RABGAP1L: variants seen among roughly 807,000 people sequenced by gnomAD.
RABGAP1L encodes the protein RAB GTPase activating protein 1 like.
A neutral mutation model predicts 137.7 loss-of-function variants in RABGAP1L; 63 were observed. The observed-to-expected ratio is 0.46, with a 90% CI of 0.37 to 0.56. The LOEUF (loss-of-function observed/expected upper bound fraction) is 0.56, where lower values mean the gene tolerates loss of function less well. Ranked by LOEUF, RABGAP1L falls within the 20% of genes least tolerant of loss-of-function variation. The pLI is 0.00. For synonymous variants in RABGAP1L, 431 were observed against 433.7 expected (o/e 0.99, Z 0.08); for missense variants, 1,095 against 1,244.0 (o/e 0.88, Z 1.80).
intron 7 of RABGAP1L, among the ~76,000 whole-genome samples, chr1:174,253,902 T>C (rs1672908049): frequency 6.6e-6 from 1 of 152,160 alleles, no homozygotes; most frequent in South Asian, 2.1e-4. Flanking sequence ...AAGACTGCTG[T>C]ATACTATGTC....
At position 174,702,186 on chromosome 1, in the gene RABGAP1L, T is replaced by G. The variant is rs1172457633; in HGVS notation, c.2099T>G (p.Phe700Cys). The G allele has an allele frequency of 6.2e-7, 1 of 1,612,326 alleles. No individual in the cohort carries two copies. The highest frequency in any genetic ancestry group is 8.5e-7 in the Non-Finnish European group (1 of 1,178,876). ...GCTCATATGTATGCATCCCAGTGGT[T>G]TCTCACTCTTTTTACTGCCAAGTTC... ...LEAHMYASQW[F>C]LTLFTAKFPL... The change falls in exon 17 of 26, where the codon TTT (phenylalanine) becomes TGT (cysteine). Residue 700 changes from phenylalanine to cysteine, a missense_variant. This residue lies in a region of RABGAP1L where 312 missense variants were observed against 435.6 expected (regional missense o/e 0.72). Transcript: ENST00000681986.
intron 1 of RABGAP1L, among the ~76,000 whole-genome samples, chr1:174,175,856 CT>C (rs1665806572): frequency 6.6e-6 from 1 of 152,142 alleles, no homozygotes; most frequent in Non-Finnish European, 1.5e-5. Flanking sequence ...AACGCCTGAC[CT>C]CAGGTGATCT....
In RABGAP1L at chr1:174,269,081, T is replaced by G. The variant is rs147788147; in HGVS notation, c.987-3333T>G. Among the ~76,000 whole-genome samples the G allele has an allele frequency of 3.5e-3, 529 of 152,256 alleles. 5 individuals carry two copies. Among genetic ancestry groups the G allele is most frequent in the African/African-American group, 0.012 (508 of 41,560 alleles). On this transcript the variant is annotated intron_variant, in intron 7 of 25. Transcript: ENST00000681986. ...TCTAAGCCTCCCGAGTAGCTGGGAC[T>G]ACATGCGCCCGCCACCAGGCCCGGC...
chr1:174,983,002 A>G lies in RABGAP1L; in HGVS notation c.2805+97A>G. On this transcript the variant is annotated intron_variant, in intron 24 of 25. Transcript: ENST00000681986. ...CCCAAACACCACCATTTTGTATTAAAGGATTTATTAATAGGAATTATGGAG... is the reference window on the plus strand; with the variant it reads ...CCCAAACACCACCATTTTGTATTAAGGGATTTATTAATAGGAATTATGGAG... 3.2e-6 allele frequency: 4 copies of G among 1,260,910 alleles called. No individual in the cohort carries two copies. The South Asian group carries it at 5.2e-5, about 16-fold the overall frequency. 78.1% of individuals were successfully genotyped at this position (1,260,910 alleles called of 1,614,324 possible).
intron 20 of RABGAP1L, among the ~76,000 whole-genome samples, chr1:174,963,616 CTGCTTTTTGAAAATTTGATT>C (rs1430069011): frequency 6.6e-6 from 1 of 151,476 alleles, no homozygotes. Flanking sequence ...TAGAATGCAT[CTGCTTTTTGAAAATTTGATT>C]TGTGTACTAG....
chr1:174,968,285 C>T (rs747565508), intron 20 of RABGAP1L, among the ~76,000 whole-genome samples: 7 of 152,130 alleles, frequency 4.6e-5, no homozygotes, highest in African/African-American at 1.7e-4. Flanking sequence ...CACTGTTAGA[C>T]GTGTAAATCT....
intron 14 of RABGAP1L, among the ~76,000 whole-genome samples, chr1:174,647,660 G>A (rs1432080723): frequency 6.6e-6 from 1 of 152,020 alleles, no homozygotes; most frequent in Admixed American, 6.6e-5. Context: ...GTATTGGCCT[G>A]AAATTTTCTT....
intron 19 of RABGAP1L, among the ~76,000 whole-genome samples, chr1:174,888,917 C>T (rs1422437704): frequency 3.3e-5 from 5 of 152,240 alleles, no homozygotes; most frequent in South Asian, 4.1e-4. Context: ...TAGTTACAAT[C>T]ATAATCTTCA....
intron 19 of RABGAP1L, among the ~76,000 whole-genome samples, chr1:174,949,367 A>G (rs1313769216): frequency 1.3e-5 from 2 of 152,220 alleles, no homozygotes; most frequent in Non-Finnish European, 2.9e-5. Context: ...ATGAAAGGTG[A>G]TTATGCCTTG....
intron 4 of RABGAP1L, among the ~76,000 whole-genome samples, chr1:174,240,585 T>C (rs1671722408): frequency 6.6e-6 from 1 of 151,710 alleles, no homozygotes; most frequent in African/African-American, 2.4e-5. Flanking sequence ...CAGATAATTA[T>C]TTGCTTCCAA....
intron 15 of RABGAP1L, among the ~76,000 whole-genome samples, chr1:174,693,614 A>G (rs1364584007): frequency 1.3e-5 from 2 of 152,120 alleles, no homozygotes; most frequent in Non-Finnish European, 2.9e-5. Flanking sequence ...ATTTTATGCA[A>G]TTTGTTTATT....
chr1:174,559,712 A>C (rs901298343), intron 13 of RABGAP1L, among the ~76,000 whole-genome samples: 1 of 152,218 alleles, frequency 6.6e-6, no homozygotes, highest in African/African-American at 2.4e-5. Flanking sequence ...TGAAGTCCTC[A>C]TGATGAGAAA....
At chr1:174,431,176 T>C (rs1298509045) in intron 13 of RABGAP1L, among the ~76,000 whole-genome samples, 2 of 152,160 alleles carry the variant, frequency 1.3e-5, no homozygotes, top group Non-Finnish European at 2.9e-5. Context: ...TAGCAGACTT[T>C]TGTAGGAAAT....
chr1:174,713,946 A>G (rs1680790766), intron 17 of RABGAP1L, among the ~76,000 whole-genome samples: 1 of 152,102 alleles, frequency 6.6e-6, no homozygotes, highest in Non-Finnish European at 1.5e-5. Context: ...GATTTTGTAA[A>G]ACACATAACC....
chr1:174,521,301 G>T (rs1216230496), intron 13 of RABGAP1L, among the ~76,000 whole-genome samples: 1 of 152,164 alleles, frequency 6.6e-6, no homozygotes, highest in African/African-American at 2.4e-5. Flanking sequence ...AATCTGTCAT[G>T]TGAGTTTATT....
chr1:174,321,607 T>C (rs1679997275), intron 11 of RABGAP1L, among the ~76,000 whole-genome samples: 2 of 152,186 alleles, frequency 1.3e-5, no homozygotes, highest in South Asian at 4.1e-4. Flanking sequence ...TAATGAATAA[T>C]GAATTTGATT....
intron 14 of RABGAP1L, among the ~76,000 whole-genome samples, chr1:174,674,162 T>C (rs1677403002): frequency 6.6e-6 from 1 of 150,894 alleles, no homozygotes; most frequent in African/African-American, 2.4e-5. Flanking sequence ...TATGTATACA[T>C]GTGCCATGCT....
chr1:174,358,200 G>A (rs189356404), intron 11 of RABGAP1L, among the ~76,000 whole-genome samples: 57 of 152,106 alleles, frequency 3.7e-4, no homozygotes, highest in African/African-American at 1.3e-3. Context: ...CATAGCCTTC[G>A]GTGTAAAATG....
intron 4 of RABGAP1L, among the ~76,000 whole-genome samples, chr1:174,238,401 T>C (rs1344220599): frequency 6.6e-6 from 1 of 152,158 alleles, no homozygotes; most frequent in Non-Finnish European, 1.5e-5. Flanking sequence ...TTTGTGGTTT[T>C]ATCTACTTTT....
Sources: gnomAD v4.1 joint callset for allele counts (sites outside exome capture counted in the v4.1 genomes callset) on GRCh38, gnomAD v4.1.1 for gene constraint, gnomAD v4.1.1 regional missense constraint, MANE v1.5 for transcripts, NCBI Gene and HGNC (gene_info 2026-07-23, HGNC 2026-07-21) for gene names.